ST6GALNAC5: variants seen among roughly 807,000 people sequenced by gnomAD.
ST6GALNAC5 encodes the protein alpha-N-acetylgalactosaminide alpha-2,6-sialyltransferase 5.
A neutral mutation model predicts 33.6 loss-of-function variants in ST6GALNAC5; 27 were observed. That is an observed-to-expected ratio of 0.80 (90% CI 0.59 to 1.11). ST6GALNAC5 has a LOEUF of 1.11. Among genes scored for constraint, ST6GALNAC5 ranks in the 50% least tolerant of loss-of-function variants. ST6GALNAC5 has a pLI of 0.00. For synonymous variants in ST6GALNAC5, 194 were observed against 171.2 expected, an observed-to-expected ratio of 1.13 and a Z score of -1.04; for missense variants, 428 against 454.0, an observed-to-expected ratio of 0.94 and a Z score of 0.52.
At chr1:77,008,468 C>A (rs1482807517) in intron 2 of ST6GALNAC5, among the ~76,000 whole-genome samples, 2 of 152,166 alleles carry the variant, frequency 1.3e-5, no homozygotes, top group African/African-American at 4.8e-5. Flanking sequence ...AGAAAGCATG[C>A]AAAGCTTGTA....
chr1:76,889,682 T>G (rs2100247002), intron 2 of ST6GALNAC5, among the ~76,000 whole-genome samples: 1 of 152,236 alleles, frequency 6.6e-6, no homozygotes, highest in African/African-American at 2.4e-5. Flanking sequence ...TCGTAATGTT[T>G]TATTTATTTG....
intron 2 of ST6GALNAC5, among the ~76,000 whole-genome samples, chr1:77,041,631 C>A (rs61782865): frequency 6.6e-6 from 1 of 152,050 alleles, no homozygotes. Flanking sequence ...ACAGTTCGCC[C>A]AGGGATTCAG....
At chr1:76,907,864 C>G (rs1455083117) in intron 2 of ST6GALNAC5, among the ~76,000 whole-genome samples, 1 of 152,096 alleles carries the variant, frequency 6.6e-6, no homozygotes, top group Non-Finnish European at 1.5e-5. Context: ...CAGTCCCCTC[C>G]TCTATATTTG....
At chr1:76,939,433 C>T (rs1398018598) in intron 2 of ST6GALNAC5, among the ~76,000 whole-genome samples, 1 of 152,060 alleles carries the variant, frequency 6.6e-6, no homozygotes, top group African/African-American at 2.4e-5. Context: ...GATGGAAATG[C>T]TGTTTCCAGA....
Position 76,923,250 on chromosome 1 carries a change from T to A in ST6GALNAC5, c.261+54508T>A, listed in dbSNP as rs11811216. 4.6e-3 allele frequency among the ~76,000 whole-genome samples: 697 copies of A among 150,622 alleles called. 11 individuals carry two copies. The highest frequency in any genetic ancestry group is 0.015 in the African/African-American group (607 of 40,780). Reference sequence around the variant, plus strand: ...GTAAGTCTAATTATTGCAAAAAAAATTGCTTTAAAAATTAAACAATATTAC... The same window carrying A: ...GTAAGTCTAATTATTGCAAAAAAAAATGCTTTAAAAATTAAACAATATTAC... On this transcript the variant is annotated intron_variant, in intron 2 of 4. Transcript: ENST00000477717.
At chr1:76,893,795 G>A (rs1654063932) in intron 2 of ST6GALNAC5, among the ~76,000 whole-genome samples, 2 of 152,104 alleles carry the variant, frequency 1.3e-5, no homozygotes, top group South Asian at 4.1e-4. Context: ...TGAGTAGCTG[G>A]GACTACAGGT....
At chr1:76,924,374 T>A (rs1647064714) in intron 2 of ST6GALNAC5, among the ~76,000 whole-genome samples, 4 of 152,160 alleles carry the variant, frequency 2.6e-5, no homozygotes, top group Admixed American at 2.0e-4. Context: ...CATCTTAATA[T>A]CCCCTCCACA....
chr1:76,969,011 C>A (rs796830893), intron 2 of ST6GALNAC5, among the ~76,000 whole-genome samples: 2 of 152,166 alleles, frequency 1.3e-5, no homozygotes, highest in East Asian at 1.9e-4. Context: ...TTGCCCTTAA[C>A]TTTTTTCCCT....
At chr1:76,921,139 T>A (rs774330296) in intron 2 of ST6GALNAC5, among the ~76,000 whole-genome samples, 2 of 151,834 alleles carry the variant, frequency 1.3e-5, no homozygotes, top group Non-Finnish European at 2.9e-5. Context: ...AGCTTGAAGA[T>A]GAAAGAAAAA....
intron 4 of ST6GALNAC5, among the ~76,000 whole-genome samples, chr1:77,057,496 T>C (rs975157949): frequency 2.0e-5 from 3 of 152,154 alleles, no homozygotes; most frequent in African/African-American, 7.2e-5. Flanking sequence ...TGTGAAGAAG[T>C]AGGATTGGAC....
intron 2 of ST6GALNAC5, among the ~76,000 whole-genome samples, chr1:77,025,197 C>T (rs981868803): frequency 4.6e-5 from 7 of 152,180 alleles, no homozygotes; most frequent in African/African-American, 1.7e-4. Flanking sequence ...ACACAATTTA[C>T]TTTGTGAGAA....
intron 4 of ST6GALNAC5, among the ~76,000 whole-genome samples, chr1:77,058,846 C>T (rs1416271387): frequency 6.6e-6 from 1 of 152,150 alleles, no homozygotes; most frequent in African/African-American, 2.4e-5. Flanking sequence ...GACTGTCTCC[C>T]TGGGTATCAG....
At chr1:76,983,464 C>T (rs1270833759) in intron 2 of ST6GALNAC5, among the ~76,000 whole-genome samples, 8 of 152,188 alleles carry the variant, frequency 5.3e-5, no homozygotes. Context: ...GAAGAGCTAA[C>T]TATCCTAAAT....
chr1:76,904,523 A>G (rs1346041614), intron 2 of ST6GALNAC5, among the ~76,000 whole-genome samples: 1 of 152,240 alleles, frequency 6.6e-6, no homozygotes, highest in Non-Finnish European at 1.5e-5. Flanking sequence ...TAAACCTAAT[A>G]TTGAATGAAA....
At position 77,050,380 on chromosome 1, in the gene ST6GALNAC5, G is replaced by A. The variant is rs377472362; in HGVS notation, c.779+15G>A. 6.2e-7 allele frequency: 1 copy of A among 1,604,316 alleles called. No homozygotes were observed. The highest frequency in any genetic ancestry group is 8.5e-7 in the Non-Finnish European group (1 of 1,171,192). The stretch of plus-strand genomic sequence containing the variant: ...GACTTCTGCAGGTAGGATTTATTCT[G>A]CAAGTGTAAATCATCAGCCGTGTTG... On this transcript the variant is annotated intron_variant, in intron 4 of 4. Transcript: ENST00000477717.
At chr1:76,922,993 G>A (rs57003848) in intron 2 of ST6GALNAC5, among the ~76,000 whole-genome samples, 5,519 of 151,652 alleles carry the variant, frequency 0.036, 354 homozygotes, top group African/African-American at 0.13. Context: ...AGAATAGAGG[G>A]ATGAATGCAT....
intron 3 of ST6GALNAC5, among the ~76,000 whole-genome samples, chr1:77,049,037 G>T (rs993848569): frequency 1.3e-5 from 2 of 152,134 alleles, no homozygotes; most frequent in African/African-American, 4.8e-5. Context: ...TGAGCAAAGG[G>T]CTTAAGAAAT....
intron 2 of ST6GALNAC5, among the ~76,000 whole-genome samples, chr1:76,983,861 T>C (rs1228869380): frequency 6.6e-6 from 1 of 152,164 alleles, no homozygotes; most frequent in Non-Finnish European, 1.5e-5. Context: ...AGAAACTCAC[T>C]CAAAACCACA....
chr1:76,942,434 A>G (rs1448075906), intron 2 of ST6GALNAC5, among the ~76,000 whole-genome samples: 1 of 152,112 alleles, frequency 6.6e-6, no homozygotes, highest in African/African-American at 2.4e-5. Flanking sequence ...ACTGTCCAAA[A>G]TCATTGGAGC....
Sources: gnomAD v4.1 joint callset for allele counts (sites outside exome capture counted in the v4.1 genomes callset) on GRCh38, gnomAD v4.1.1 for gene constraint, MANE v1.5 for transcripts, NCBI Gene and HGNC (gene_info 2026-07-23, HGNC 2026-07-21) for gene names.